SCHIP1: variants seen among roughly 807,000 people sequenced by gnomAD.
The protein encoded by SCHIP1 is schwannomin-interacting protein 1.
A neutral mutation model predicts 29.7 loss-of-function variants in SCHIP1; 8 were observed. That is an observed-to-expected ratio of 0.27 (90% CI 0.16 to 0.49). The LOEUF (loss-of-function observed/expected upper bound fraction) is 0.49, where lower values mean the gene tolerates loss of function less well. Ranked by LOEUF, SCHIP1 falls within the 20% of genes least tolerant of loss-of-function variation. The pLI, the probability that SCHIP1 is intolerant of heterozygous loss-of-function variation, is 0.99. For synonymous variants in SCHIP1, 76 were observed against 94.9 expected (o/e 0.80, Z 1.16); for missense variants, 193 against 294.6 (o/e 0.66, Z 2.52).
chr3:159,875,699 C>T (rs1715733350), intron 2 of SCHIP1, among the ~76,000 whole-genome samples: 2 of 152,144 alleles, frequency 1.3e-5, no homozygotes, highest in African/African-American at 4.8e-5. Context: ...TGCAGGTGAG[C>T]CATGTTATCT....
chr3:159,857,198 T>C (rs554137730), intron 1 of SCHIP1, among the ~76,000 whole-genome samples: 2 of 152,318 alleles, frequency 1.3e-5, no homozygotes, highest in South Asian at 4.1e-4. Context: ...ACACCTCGGT[T>C]AGCCAGCATG....
rs373997540 is a variant in SCHIP1 at position 159,840,637 on chromosome 3, G to A, written c.30+423G>A. On this transcript the variant is annotated intron_variant, in intron 1 of 6. Coordinates refer to ENST00000445224, the Ensembl canonical transcript of SCHIP1. ...TTTAGGACTATCTTTAAGAAATTAT[G>A]TAAATAGATAGTCGCGATTGATAAT... Among the ~76,000 whole-genome samples, 17 of 152,290 alleles carry A rather than the reference G, an allele frequency of 1.1e-4. 1 individual carries two copies. Among genetic ancestry groups the A allele is most frequent in the South Asian group, 8.3e-4 (4 of 4,814 alleles).
At chr3:159,678,519 CTTT>C in the SCHIP1 span, among the ~76,000 whole-genome samples, 1 of 152,172 alleles carries the variant, frequency 6.6e-6, no homozygotes, top group South Asian at 2.1e-4. Flanking sequence ...ATAAAATATA[CTTT>C]TAATTTTACA....
At chr3:159,291,821 T>C in the SCHIP1 span, among the ~76,000 whole-genome samples, 1 of 151,996 alleles carries the variant, frequency 6.6e-6, no homozygotes, top group African/African-American at 2.4e-5. Context: ...AAAAACTGAA[T>C]GTGTGATATT....
the SCHIP1 span, among the ~76,000 whole-genome samples, chr3:159,680,632 TTATATATTATATAA>T: frequency 1.2e-5 from 1 of 85,052 alleles, no homozygotes; most frequent in South Asian, 2.8e-4. Flanking sequence ...AATATATATT[TTATATATTATATAA>T]TATATGTATA....
the SCHIP1 span, among the ~76,000 whole-genome samples, chr3:159,631,900 C>T: frequency 6.6e-6 from 1 of 152,024 alleles, no homozygotes. Context: ...AATGGTTTCT[C>T]TGTGTGATAT....
the SCHIP1 span, among the ~76,000 whole-genome samples, chr3:159,599,365 G>C: frequency 6.6e-6 from 1 of 152,132 alleles, no homozygotes; most frequent in Admixed American, 6.6e-5. Flanking sequence ...CATTCAAGCA[G>C]TGTACACTGT....
At chr3:159,463,476 T>A in the SCHIP1 span, among the ~76,000 whole-genome samples, 1 of 152,106 alleles carries the variant, frequency 6.6e-6, no homozygotes, top group Admixed American at 6.6e-5. Flanking sequence ...TTCATTTAGT[T>A]CTGAGGGTCA....
At chr3:159,725,652 T>C in the SCHIP1 span, among the ~76,000 whole-genome samples, 8 of 152,182 alleles carry the variant, frequency 5.3e-5, no homozygotes, top group African/African-American at 1.9e-4. Flanking sequence ...AAAAACTTCC[T>C]GGACTTTCAA....
the SCHIP1 span, among the ~76,000 whole-genome samples, chr3:159,506,155 T>C: frequency 6.6e-6 from 1 of 152,180 alleles, no homozygotes; most frequent in South Asian, 2.1e-4. Context: ...TTTTAGTGAT[T>C]GCCATTCTAA....
At chr3:159,480,446 T>C in the SCHIP1 span, among the ~76,000 whole-genome samples, 2 of 152,192 alleles carry the variant, frequency 1.3e-5, no homozygotes, top group Non-Finnish European at 2.9e-5. Flanking sequence ...TAGGTTGATG[T>C]CAATTTGAAT....
chr3:159,379,617 C>T, the SCHIP1 span, among the ~76,000 whole-genome samples: 1 of 152,096 alleles, frequency 6.6e-6, no homozygotes. Context: ...ACACTAATCA[C>T]CCCTATTAGT....
the SCHIP1 span, among the ~76,000 whole-genome samples, chr3:159,321,426 G>T: frequency 2.6e-4 from 40 of 152,300 alleles, no homozygotes; most frequent in Middle Eastern, 6.8e-3. Flanking sequence ...TCCAGAGATG[G>T]TTGAACATAA....
At chr3:159,283,192 G>T in the SCHIP1 span, among the ~76,000 whole-genome samples, 1 of 151,794 alleles carries the variant, frequency 6.6e-6, no homozygotes, top group African/African-American at 2.4e-5. Context: ...TCACTCTGTC[G>T]CTCAGGCTGG....
chr3:159,735,193 G>T, the SCHIP1 span, among the ~76,000 whole-genome samples: 1 of 151,050 alleles, frequency 6.6e-6, no homozygotes, highest in African/African-American at 2.4e-5. Flanking sequence ...TTCTCATAAG[G>T]CACCTCTTAC....
At chr3:159,888,373 C>T (rs1457026594) in intron 4 of SCHIP1, 3 of 204,656 alleles carry the variant, frequency 1.5e-5, no homozygotes, top group South Asian at 1.9e-4. Flanking sequence ...TCAGTTTTCT[C>T]ATCTATAAAA....
At chr3:159,565,736 A>AT in the SCHIP1 span, among the ~76,000 whole-genome samples, 1 of 152,148 alleles carries the variant, frequency 6.6e-6, no homozygotes, top group African/African-American at 2.4e-5. Context: ...TCTTAAATAC[A>AT]TTTTTTCTTT....
the SCHIP1 span, among the ~76,000 whole-genome samples, chr3:159,286,165 C>G: frequency 6.6e-6 from 1 of 151,972 alleles, no homozygotes; most frequent in Non-Finnish European, 1.5e-5. Flanking sequence ...AACTATTTTG[C>G]CACCCAGGTA....
At chr3:159,765,091 G>A in the SCHIP1 span, 3 of 1,572,168 alleles carry the variant, frequency 1.9e-6, no homozygotes, top group East Asian at 2.3e-5. Context: ...GCAGTTCCGG[G>A]AGCAGGAGGT....
Sources: allele counts gnomAD v4.1 joint callset (sites outside exome capture counted in the v4.1 genomes callset), GRCh38; gene constraint gnomAD v4.1.1; transcripts MANE v1.5; gene names NCBI Gene and HGNC (gene_info 2026-07-23, HGNC 2026-07-21).